The following IAH1 variants were observed in gnomAD, a reference collection of about 807,000 sequenced individuals.
IAH1 encodes isoamyl acetate hydrolyzing esterase 1 (putative).
A neutral mutation model predicts 26.7 loss-of-function variants in IAH1; 24 were observed. The ratio of observed to expected loss-of-function variants is 0.90; its 90% confidence interval spans 0.65 to 1.26. The LOEUF is 1.26. IAH1 is among the 50% of genes most tolerant of loss of function. The probability of loss-of-function intolerance (pLI) is 0.00; values close to 1 mark genes in which losing one functional copy is unlikely to be tolerated. For missense variants in IAH1, 300 were observed against 299.9 expected (o/e 1.00, Z 0.00); for synonymous variants, 140 against 118.5 (o/e 1.18, Z -1.18).
At chr2:9,496,360 C>A (rs1662599495) in exon 7 of IAH1, 3 of 151,322 alleles carry the variant, frequency 2.0e-5, no homozygotes, top group Admixed American at 1.3e-4. Context: ...AAACTCCTGA[C>A]CTCAAGTGAT....
Position 9,478,452 on chromosome 2 carries a change from C to A in IAH1, c.283+82C>A, listed in dbSNP as rs1660956168. 4 of 1,318,672 alleles carry A rather than the reference C, an allele frequency of 3.0e-6. No individual in the cohort carries two copies. In the Admixed American group the frequency reaches 9.6e-5, roughly 32 times the overall value. 81.7% of individuals were successfully genotyped at this position (1,318,672 alleles called of 1,614,324 possible). On this transcript the variant is annotated intron_variant, in intron 3 of 5. Coordinates refer to ENST00000497473, the MANE Select transcript of IAH1 (RefSeq NM_001039613.3). ...AAACTTGCATTTAATATACTTTTTT[C>A]AACTGTTTACTTTCTCCCAATAGAT...
the IAH1 span, chr2:9,510,259 T>G: frequency 1.9e-6 from 2 of 1,042,220 alleles, no homozygotes; most frequent in Non-Finnish European, 1.4e-6. Context: ...AACTGCATGC[T>G]TATAATACCA....
intron 3 of IAH1, among the ~76,000 whole-genome samples, chr2:9,480,374 C>G (rs1572839600): frequency 6.6e-6 from 1 of 152,242 alleles, no homozygotes; most frequent in East Asian, 1.9e-4. Context: ...TGTTGCGTGC[C>G]TGTAGTCCCA....
chr2:9,494,230 G>A (rs573133510), downstream of IAH1, among the ~76,000 whole-genome samples: 24 of 152,230 alleles, frequency 1.6e-4, no homozygotes, highest in East Asian at 4.2e-3. Flanking sequence ...AGAACAAAAG[G>A]GTCTGGCTTA....
chr2:9,500,610 A>C (rs993044764), downstream of IAH1, among the ~76,000 whole-genome samples: 4 of 152,254 alleles, frequency 2.6e-5, no homozygotes, highest in African/African-American at 7.2e-5. Flanking sequence ...CAAGAGAGAC[A>C]AATTTTGAAA....
chr2:9,499,503 G>A (rs1260430586), downstream of IAH1, among the ~76,000 whole-genome samples: 1 of 151,948 alleles, frequency 6.6e-6, no homozygotes, highest in African/African-American at 2.4e-5. Context: ...CCGGGTTCAC[G>A]CCATTCTCCT....
downstream of IAH1, chr2:9,491,158 A>G (rs1209406110): frequency 9.3e-6 from 15 of 1,611,670 alleles, no homozygotes; most frequent in Non-Finnish European, 1.3e-5. Context: ...TATCCTAGAA[A>G]GAAACAGCAA....
At position 9,481,372 on chromosome 2, in the gene IAH1, C is replaced by T; in HGVS notation, c.370C>T (p.Pro124Ser). The T allele has an allele frequency of 6.2e-7, 1 of 1,614,138 alleles. No homozygotes were observed. Among genetic ancestry groups the T allele is most frequent in the Non-Finnish European group, 8.5e-7 (1 of 1,179,996 alleles). The change falls in exon 4 of 6, where the codon CCT (proline) becomes TCT (serine). Residue 124 changes from proline to serine, a missense_variant. Transcript: ENST00000497473. ...MVQYLKSVDI[P>S]ENRVILITPT... ...GCAGTACCTGAAGTCCGTGGACATC[C>T]CTGAGAATCGAGTCATTCTCATCAC...
At chr2:9,500,989 TACAC>T (rs949000469), downstream of IAH1, among the ~76,000 whole-genome samples, 1 of 152,148 alleles carries the variant, frequency 6.6e-6, no homozygotes, top group Non-Finnish European at 1.5e-5. Flanking sequence ...GTTTAAAAAA[TACAC>T]ACACACAACA....
the IAH1 span, among the ~76,000 whole-genome samples, chr2:9,504,586 G>A: frequency 6.6e-6 from 1 of 152,014 alleles, no homozygotes; most frequent in Admixed American, 6.6e-5. Context: ...CCACCGTAGT[G>A]AAACCTCGTC....
chr2:9,494,905 C>G, intron 6 of IAH1: 1 of 1,026,540 alleles, frequency 9.7e-7, no homozygotes, highest in Non-Finnish European at 1.4e-6. Flanking sequence ...TAATACTATC[C>G]ATAGCCCCCA....
downstream of IAH1, among the ~76,000 whole-genome samples, chr2:9,490,851 G>A (rs897247968): frequency 5.3e-5 from 8 of 152,186 alleles, no homozygotes; most frequent in East Asian, 1.5e-3. Flanking sequence ...TTAACTAAGT[G>A]TTGAATGGCT....
chr2:9,480,179 C>T (rs1351412197), intron 3 of IAH1, among the ~76,000 whole-genome samples: 1 of 152,112 alleles, frequency 6.6e-6, no homozygotes, highest in Non-Finnish European at 1.5e-5. Context: ...GGTCACCCTA[C>T]AACTAAATTT....
chr2:9,508,852 C>T, the IAH1 span, among the ~76,000 whole-genome samples: 1 of 151,638 alleles, frequency 6.6e-6, no homozygotes, highest in Non-Finnish European at 1.5e-5. Flanking sequence ...GAAGAGTAGA[C>T]AAAAAGGGGT....
At chr2:9,480,962 T>A (rs796496580) in intron 3 of IAH1, 6 of 206,464 alleles carry the variant, frequency 2.9e-5, no homozygotes, top group African/African-American at 1.4e-4. Context: ...AAAGCCAGGA[T>A]TTGAACCTAG....
chr2:9,490,564 TC>T (rs1385641525), downstream of IAH1: 4 of 1,531,758 alleles, frequency 2.6e-6, no homozygotes, highest in Admixed American at 7.6e-5. Flanking sequence ...AAAAGATGAA[TC>T]GGAGGTCCTC....
chr2:9,502,288 C>G, the IAH1 span: 2 of 1,599,322 alleles, frequency 1.3e-6, no homozygotes, highest in Non-Finnish European at 1.7e-6. Context: ...TGGAGAAGAA[C>G]AGCAGACAGG....
At chr2:9,489,932 C>CAAAAGATATTTTAAAAACTAAAACCT (rs1241056085), downstream of IAH1, 17 of 432,590 alleles carry the variant, frequency 3.9e-5, no homozygotes, top group East Asian at 2.4e-4. Context: ...CACCACAGGT[C>CAAAAGATATTTTAAAAACTAAAACCT]AAAAGATATT....
chr2:9,511,222 G>C, the IAH1 span, among the ~76,000 whole-genome samples: 1 of 152,040 alleles, frequency 6.6e-6, no homozygotes, highest in African/African-American at 2.4e-5. Flanking sequence ...GCCAAGGTGG[G>C]TTGATCGCCT....
Sources: gnomAD v4.1 joint callset for allele counts (sites outside exome capture counted in the v4.1 genomes callset) on GRCh38, gnomAD v4.1.1 for gene constraint, MANE v1.5 for transcripts, NCBI Gene and HGNC (gene_info 2026-07-23, HGNC 2026-07-21) for gene names.